The following IRS1 variants were observed in gnomAD, a reference collection of about 807,000 sequenced individuals.
The protein encoded by IRS1 is insulin receptor substrate 1.
Under a neutral mutation model 65.6 loss-of-function variants are expected in IRS1, and 34 were observed. The observed-to-expected ratio is 0.52, with a 90% CI of 0.39 to 0.69. The LOEUF (loss-of-function observed/expected upper bound fraction) is 0.69. Ranked by LOEUF, IRS1 falls within the 30% of genes least tolerant of loss-of-function variation. The pLI is 0.00. For missense variants in IRS1, 1,641 were observed against 1,720.2 expected (o/e 0.95, Z 0.81); for synonymous variants, 699 against 683.5 (o/e 1.02, Z -0.35).
intron 1 of IRS1, among the ~76,000 whole-genome samples, chr2:226,738,056 G>A: frequency 6.6e-6 from 1 of 152,134 alleles, no homozygotes. Flanking sequence ...GTAGCTTGAG[G>A]TAGATGGTGA....
In IRS1 at chr2:226,795,111, G is replaced by A. The variant is rs1376879751; in HGVS notation, c.3628C>T (p.Pro1210Ser). Reference sequence around the variant, plus strand: ...GAGCTGCTCTCACCGCTGCCCAGGGGTTGATGAGGGGGTGGGGGTGGGGGA... The same window carrying A: ...GAGCTGCTCTCACCGCTGCCCAGGGATTGATGAGGGGGTGGGGGTGGGGGA... ...QPPPPPPPHQ[P>S]LGSGESSSTR... Residue 1210 changes from proline to serine, a missense_variant, in exon 1 of 2, where the codon CCC (proline) becomes TCC (serine). Physicochemically the swap from Pro to Ser is moderately conservative, Grantham distance 74 (BLOSUM62 -1). Transcript: ENST00000305123. 5 of 1,540,532 alleles carry A rather than the reference G, an allele frequency of 3.2e-6. No individual in the cohort carries two copies. The highest frequency in any genetic ancestry group is 2.3e-5 in the East Asian group (1 of 43,998).
intron 1 of IRS1, among the ~76,000 whole-genome samples, chr2:226,741,450 A>G (rs992449346): frequency 4.6e-5 from 7 of 152,174 alleles, no homozygotes; most frequent in African/African-American, 1.7e-4. Flanking sequence ...TGGAAGAGCC[A>G]GGAGAACAGA....
In IRS1 at chr2:226,798,228, T is replaced by C; in HGVS notation, c.511A>G (p.Lys171Glu). ...AGGTTCTTTGTCTGACCCAGGCCCT[T>C]GGGCTTCAGGATCACTTGCCAGACC... ...KEVWQVILKP[K>E]GLGQTKNLIG... The change falls in exon 1 of 2, where the codon AAG becomes GAG. Residue 171 changes from lysine to glutamate, a missense_variant. By Grantham distance (56) the Lys-to-Glu change is moderately conservative. This residue lies in a region of IRS1 where 77 missense variants were observed against 129.6 expected (regional missense o/e 0.59). Transcript: ENST00000305123. This position sits in a 1 kb window ranked among gnomAD's most constrained non-coding sequence, Gnocchi z 9.4. 2 of 1,613,754 alleles carry C rather than the reference T, an allele frequency of 1.2e-6. No homozygotes were observed. The highest frequency in any genetic ancestry group is 1.7e-6 in the Non-Finnish European group (2 of 1,179,984).
At chr2:226,742,571 T>C (rs181084084) in intron 1 of IRS1, among the ~76,000 whole-genome samples, 1 of 152,110 alleles carries the variant, frequency 6.6e-6, no homozygotes, top group African/African-American at 2.4e-5. Flanking sequence ...GTGCGCAGGG[T>C]TGCCAAGGAA....
intron 1 of IRS1, among the ~76,000 whole-genome samples, chr2:226,784,397 G>GT (rs908450368): frequency 6.4e-4 from 96 of 150,904 alleles, no homozygotes; most frequent in East Asian, 1.2e-3. Flanking sequence ...TAATTCAAAT[G>GT]TTTTTTTTTA....
At chr2:226,770,784 G>A (rs1939148130) in intron 1 of IRS1, among the ~76,000 whole-genome samples, 1 of 152,192 alleles carries the variant, frequency 6.6e-6, no homozygotes, top group Admixed American at 6.5e-5. Context: ...CCATGTAACA[G>A]CTGTATCATC....
intron 1 of IRS1, among the ~76,000 whole-genome samples, chr2:226,763,365 G>C (rs1418601787): frequency 6.6e-6 from 1 of 152,016 alleles, no homozygotes; most frequent in African/African-American, 2.4e-5. Flanking sequence ...CTGCATTAAG[G>C]CTGTCTTGGA....
chr2:226,781,390 C>A (rs768781068), intron 1 of IRS1, among the ~76,000 whole-genome samples: 1 of 151,974 alleles, frequency 6.6e-6, no homozygotes, highest in Admixed American at 6.6e-5. Flanking sequence ...TGGTGAGTAA[C>A]AGTAAATCCT....
chr2:226,748,066 C>CA (rs1254726763), intron 1 of IRS1, among the ~76,000 whole-genome samples: 1 of 151,068 alleles, frequency 6.6e-6, no homozygotes, highest in Non-Finnish European at 1.5e-5. Context: ...AACAAGGAGA[C>CA]ACATTACTTA....
Position 226,733,730 on chromosome 2 carries a change from G to A in IRS1, c.*2542C>T, listed in dbSNP as rs780461439. On this transcript the variant is annotated 3_prime_UTR_variant, in exon 2 of 2. Coordinates refer to ENST00000305123, the MANE Select transcript of IRS1 (RefSeq NM_005544.3). ...TGAACACAAGGACTCAGCAGCTGAC[G>A]TTGCTCAAAGGAAACCCTTCGTGTC... The A allele has an allele frequency of 5.3e-5, 8 of 152,126 alleles. No homozygotes were observed. Among genetic ancestry groups the A allele is most frequent in the Non-Finnish European group, 7.4e-5 (5 of 68,026 alleles). 9.4% of individuals were successfully genotyped at this position (152,126 alleles called of 1,614,324 possible).
intron 1 of IRS1, among the ~76,000 whole-genome samples, chr2:226,776,500 T>C (rs894719382): frequency 9.2e-5 from 14 of 152,186 alleles, no homozygotes; most frequent in African/African-American, 2.9e-4. Flanking sequence ...CAAACACTCC[T>C]TCAGCCAAGT....
At chr2:226,751,958 GC>G (rs1421878936) in intron 1 of IRS1, among the ~76,000 whole-genome samples, 1 of 152,016 alleles carries the variant, frequency 6.6e-6, no homozygotes, top group Non-Finnish European at 1.5e-5. Context: ...CCACAAAACT[GC>G]CAACTCAGAT....
At chr2:226,753,188 C>A (rs1283070661) in intron 1 of IRS1, among the ~76,000 whole-genome samples, 6 of 152,170 alleles carry the variant, frequency 3.9e-5, no homozygotes, top group African/African-American at 1.4e-4. Context: ...CATTAAAACC[C>A]AGACAATTAC....
intron 1 of IRS1, among the ~76,000 whole-genome samples, chr2:226,771,553 A>T (rs1333923668): frequency 6.6e-6 from 1 of 152,190 alleles, no homozygotes; most frequent in African/African-American, 2.4e-5. Flanking sequence ...TGCTTTCCTT[A>T]CAGCATGGAT....
At chr2:226,737,140 C>T (rs1419249838) in intron 1 of IRS1, among the ~76,000 whole-genome samples, 3 of 140,640 alleles carry the variant, frequency 2.1e-5, no homozygotes, top group African/African-American at 8.0e-5. Context: ...CCCCTTCCTG[C>T]ATCCATGTGA....
At position 226,798,931 on chromosome 2, in the gene IRS1, G is replaced by C; in HGVS notation, c.-193C>G. On this transcript the variant is annotated 5_prime_UTR_variant, in exon 1 of 2. Coordinates refer to ENST00000305123, the MANE Select transcript of IRS1 (RefSeq NM_005544.3). The surrounding 1 kb of genome is among the most constrained non-coding windows in gnomAD (Gnocchi z 9.4). ...AGGAGGACGCAGCTGCTGAGCCCAG[G>C]AGAGAGCCCGACCGGAGTTTTCGGG... The C allele has an allele frequency of 6.9e-7, 1 of 1,457,604 alleles. No homozygotes were observed. The highest frequency in any genetic ancestry group is 1.5e-5 in the South Asian group (1 of 68,386). The allele number at this position is 1,457,604 out of a possible 1,614,324, so 90.3% of individuals were successfully genotyped here. A position where few individuals can be genotyped will look rare whatever the true frequency, so the allele number is the denominator to read the frequency against.
chr2:226,747,687 A>T (rs1203111847), intron 1 of IRS1, among the ~76,000 whole-genome samples: 1 of 152,206 alleles, frequency 6.6e-6, no homozygotes, highest in Admixed American at 6.5e-5. Context: ...GAAGCCATCC[A>T]TCTGGCCTTT....
At chr2:226,766,151 A>ATTTTT (rs1357950302) in intron 1 of IRS1, among the ~76,000 whole-genome samples, 2 of 4,110 alleles carry the variant, frequency 4.9e-4, no homozygotes, top group African/African-American at 1.1e-3. Context: ...ATATATATAT[A>ATTTTT]TATATATATA....
chr2:226,771,454 A>G (rs1410554253), intron 1 of IRS1, among the ~76,000 whole-genome samples: 1 of 152,224 alleles, frequency 6.6e-6, no homozygotes, highest in Non-Finnish European at 1.5e-5. Flanking sequence ...TTCATAGGAC[A>G]GTTTTACAGA....
Sources: gnomAD v4.1 joint callset for allele counts (sites outside exome capture counted in the v4.1 genomes callset) on GRCh38, gnomAD v4.1.1 for gene constraint, gnomAD v4.1.1 regional missense constraint, Gnocchi (gnomAD v3.1) non-coding constraint, MANE v1.5 for transcripts, NCBI Gene and HGNC (gene_info 2026-07-23, HGNC 2026-07-21) for gene names.